The following MIS18A variants were observed in gnomAD, a reference collection of about 807,000 sequenced individuals.
MIS18A encodes the protein protein Mis18-alpha.
A neutral mutation model predicts 25.0 loss-of-function variants in MIS18A; 14 were observed. The ratio of observed to expected loss-of-function variants is 0.56; its 90% CI spans 0.37 to 0.88. The LOEUF is 0.88. Ranked by LOEUF, MIS18A falls within the 40% of genes least tolerant of loss-of-function variation. MIS18A has a pLI of 0.00. For missense variants in MIS18A, 292 were observed against 290.8 expected, an observed-to-expected ratio of 1.00 and a Z score of -0.03; for synonymous variants, 134 against 118.6, an observed-to-expected ratio of 1.13 and a Z score of -0.84.
the MIS18A span, among the ~76,000 whole-genome samples, chr21:32,179,491 G>C: frequency 6.6e-6 from 1 of 151,778 alleles, no homozygotes; most frequent in African/African-American, 2.4e-5. Context: ...CTACACTCTA[G>C]TCTTCCAGGA....
chr21:32,210,948 T>C, the MIS18A span, among the ~76,000 whole-genome samples: 1 of 152,190 alleles, frequency 6.6e-6, no homozygotes, highest in Non-Finnish European at 1.5e-5. Flanking sequence ...AAAAATACTT[T>C]CCTGAGTCTG....
downstream of MIS18A, among the ~76,000 whole-genome samples, chr21:32,267,877 A>G (rs2031634066): frequency 6.6e-6 from 1 of 152,234 alleles, no homozygotes; most frequent in Admixed American, 6.5e-5. Context: ...GAACGCCTAA[A>G]GGACTCACTC....
intron 1 of MIS18A, 149 bp downstream of exon 1, chr21:32,278,532 T>C (rs1601083180): frequency 1.1e-6 from 1 of 872,870 alleles, no homozygotes; most frequent in South Asian, 1.9e-5. Flanking sequence ...CCTCCCCTTT[T>C]CCTGCCACAG....
At chr21:32,238,482 T>C in the MIS18A span, among the ~76,000 whole-genome samples, 2 of 152,176 alleles carry the variant, frequency 1.3e-5, no homozygotes, top group Admixed American at 6.5e-5. Flanking sequence ...ATAATTTATG[T>C]TCCTTCTACC....
At chr21:32,266,009 C>T (rs1289119235), downstream of MIS18A, among the ~76,000 whole-genome samples, 2 of 152,156 alleles carry the variant, frequency 1.3e-5, no homozygotes, top group Admixed American at 1.3e-4. Flanking sequence ...TTTGTGAGTG[C>T]ACCAATCAAC....
chr21:32,266,197 T>C (rs1340368679), downstream of MIS18A, among the ~76,000 whole-genome samples: 1 of 152,208 alleles, frequency 6.6e-6, no homozygotes, highest in Non-Finnish European at 1.5e-5. Context: ...CTAGCTGCTC[T>C]GGTGGGGCCT....
At chr21:32,178,864 T>C in the MIS18A span, among the ~76,000 whole-genome samples, 2 of 152,140 alleles carry the variant, frequency 1.3e-5, no homozygotes. Flanking sequence ...GCCCTCTGTG[T>C]CTCTTATCTT....
the MIS18A span, among the ~76,000 whole-genome samples, chr21:32,165,192 G>T: frequency 6.6e-6 from 1 of 152,098 alleles, no homozygotes; most frequent in Non-Finnish European, 1.5e-5. Flanking sequence ...AATTAGCTGG[G>T]CATGGTGGTG....
chr21:32,161,593 G>T, the MIS18A span, among the ~76,000 whole-genome samples: 1 of 151,552 alleles, frequency 6.6e-6, no homozygotes, highest in African/African-American at 2.4e-5. Flanking sequence ...CCGGCTTCAA[G>T]AGATTCTCCT....
the MIS18A span, among the ~76,000 whole-genome samples, chr21:32,184,256 G>C: frequency 6.6e-6 from 1 of 152,216 alleles, no homozygotes; most frequent in Non-Finnish European, 1.5e-5. Context: ...CTACTCACAG[G>C]GTGAGGCTGC....
At chr21:32,210,727 G>T in the MIS18A span, among the ~76,000 whole-genome samples, 4 of 152,148 alleles carry the variant, frequency 2.6e-5, no homozygotes, top group Admixed American at 2.6e-4. Flanking sequence ...AAGACAAATA[G>T]TGTAACCCAC....
chr21:32,220,815 C>T, the MIS18A span, among the ~76,000 whole-genome samples: 27 of 151,958 alleles, frequency 1.8e-4, no homozygotes, highest in East Asian at 5.3e-3. Context: ...AAACACAGCA[C>T]AAGAACTTTG....
At chr21:32,232,603 T>C in the MIS18A span, among the ~76,000 whole-genome samples, 1 of 152,076 alleles carries the variant, frequency 6.6e-6, no homozygotes, top group Admixed American at 6.5e-5. Flanking sequence ...TGTGACAACA[T>C]ACATGAACTT....
the MIS18A span, among the ~76,000 whole-genome samples, chr21:32,254,612 G>A: frequency 4.6e-5 from 7 of 151,946 alleles, no homozygotes; most frequent in East Asian, 1.2e-3. Context: ...CAGTAAACCA[G>A]TTCAAGATTT....
chr21:32,169,592 T>G, the MIS18A span, among the ~76,000 whole-genome samples: 1 of 152,030 alleles, frequency 6.6e-6, no homozygotes, highest in Non-Finnish European at 1.5e-5. Context: ...CTCTTACCGG[T>G]GTCTAACCTT....
chr21:32,210,086 C>A, the MIS18A span, among the ~76,000 whole-genome samples: 1 of 152,202 alleles, frequency 6.6e-6, no homozygotes, highest in Non-Finnish European at 1.5e-5. Flanking sequence ...GACAGTGATG[C>A]TTTCCCCAAA....
downstream of MIS18A, among the ~76,000 whole-genome samples, chr21:32,267,521 T>TGAA (rs1483319255): frequency 6.6e-6 from 1 of 152,150 alleles, no homozygotes; most frequent in Non-Finnish European, 1.5e-5. Context: ...TCAAGATGAG[T>TGAA]GAACTGGCTA....
chr21:32,191,162 G>A, the MIS18A span, among the ~76,000 whole-genome samples: 1 of 152,192 alleles, frequency 6.6e-6, no homozygotes, highest in African/African-American at 2.4e-5. Context: ...AAATGTCCAG[G>A]GGATAAATGC....
At chr21:32,264,363 T>C (rs2031556619), downstream of MIS18A, among the ~76,000 whole-genome samples, 1 of 152,244 alleles carries the variant, frequency 6.6e-6, no homozygotes, top group Non-Finnish European at 1.5e-5. Flanking sequence ...ATAAATGTTA[T>C]ATAGTTTAGA....
Sources: gnomAD v4.1 joint callset for allele counts (sites outside exome capture counted in the v4.1 genomes callset) on GRCh38, gnomAD v4.1.1 for gene constraint, MANE v1.5 for transcripts, NCBI Gene and HGNC (gene_info 2026-07-23, HGNC 2026-07-21) for gene names.